Variants in PKHD1 observed in about 807,000 individuals in gnomAD.
PKHD1 encodes PKHD1 ciliary IPT domain containing fibrocystin/polyductin.
Under a neutral mutation model 412.0 loss-of-function variants are expected in PKHD1, and 291 were observed. The observed-to-expected ratio is 0.71, with a 90% CI of 0.64 to 0.78. The LOEUF (loss-of-function observed/expected upper bound fraction) is 0.78. Among genes scored for constraint, PKHD1 ranks in the 30% least tolerant of loss-of-function variants. The probability of loss-of-function intolerance (pLI) is 0.00; values close to 1 mark genes in which losing one functional copy is unlikely to be tolerated. For missense variants in PKHD1, 4,825 were observed against 4,950.7 expected, an observed-to-expected ratio of 0.97 and a Z score of 0.76; for synonymous variants, 1,777 against 1,821.5, an observed-to-expected ratio of 0.98 and a Z score of 0.62.
intron 25 of PKHD1, among the ~76,000 whole-genome samples, chr6:52,044,026 T>G (rs538231977): frequency 1.3e-5 from 2 of 152,348 alleles, no homozygotes; most frequent in South Asian, 2.1e-4. Context: ...TTAAACTGCA[T>G]AAGGACTTCT....
intron 55 of PKHD1, among the ~76,000 whole-genome samples, chr6:51,767,158 T>C (rs1789189333): frequency 6.6e-6 from 1 of 152,122 alleles, no homozygotes; most frequent in African/African-American, 2.4e-5. Context: ...TGTGTTTATT[T>C]CTTGGTATTC....
intron 35 of PKHD1, among the ~76,000 whole-genome samples, chr6:51,982,880 T>TAAAAAAAAAAAAAAAAAAAAAAAAAAAAA (rs777201105): frequency 2.2e-5 from 3 of 135,928 alleles, no homozygotes; most frequent in Admixed American, 7.5e-5. Context: ...TAAAATAAAA[T>TAAAAAAAAAAAAAAAAAAAAAAAAAAAAA]AAAATAAAAT....
chr6:51,742,168 T>G (rs937740119), intron 60 of PKHD1, among the ~76,000 whole-genome samples: 4 of 152,194 alleles, frequency 2.6e-5, no homozygotes, highest in African/African-American at 9.6e-5. Context: ...TATAAATGTG[T>G]CCCTGAATTT....
chr6:52,011,420 G>T (rs980095745), intron 34 of PKHD1, among the ~76,000 whole-genome samples: 1 of 152,210 alleles, frequency 6.6e-6, no homozygotes, highest in Non-Finnish European at 1.5e-5. Flanking sequence ...TGTAAAAAGT[G>T]TAACCCAAAG....
At chr6:51,960,854 G>A (rs1473144189) in intron 35 of PKHD1, among the ~76,000 whole-genome samples, 1 of 152,128 alleles carries the variant, frequency 6.6e-6, no homozygotes, top group East Asian at 1.9e-4. Flanking sequence ...TGGTCACTCT[G>A]ATGTCATACG....
chr6:52,071,827 T>G (rs931239965), intron 8 of PKHD1, among the ~76,000 whole-genome samples: 3 of 152,162 alleles, frequency 2.0e-5, no homozygotes, highest in African/African-American at 7.2e-5. Context: ...TTGGGTGACT[T>G]CAATGTAAAG....
At chr6:51,885,301 T>A (rs374038784) in intron 45 of PKHD1, among the ~76,000 whole-genome samples, 1 of 152,112 alleles carries the variant, frequency 6.6e-6, no homozygotes, top group Admixed American at 6.5e-5. Context: ...AAGAAAAAAA[T>A]AGAAGAAAAT....
intron 36 of PKHD1, among the ~76,000 whole-genome samples, chr6:51,940,670 T>C (rs1788355272): frequency 6.6e-6 from 1 of 151,642 alleles, no homozygotes; most frequent in Non-Finnish European, 1.5e-5. Flanking sequence ...TACTGCCCGA[T>C]TGCCTCGGAA....
Position 51,620,802 on chromosome 6 carries a change from A to ATATACATATATATATATATATG in PKHD1, c.11786-1283_11786-1282insCATATATATATATATATGTATA, listed in dbSNP as rs1561971278. ...ATTATATATACATATATATATATGT[A>ATATACATATATATATATATATG]TATATATATATATAATGCTTTTGAT... On this transcript the variant is annotated intron_variant, in intron 66 of 66. Transcript: ENST00000371117. Among the ~76,000 whole-genome samples, 187 of 141,548 alleles carry ATATACATATATATATATATATG rather than the reference A, an allele frequency of 1.3e-3. 1 individual carries two copies. Among genetic ancestry groups the ATATACATATATATATATATATG allele is most frequent in the African/African-American group, 4.7e-3 (181 of 38,594 alleles). 92.9% of individuals were successfully genotyped at this position (141,548 alleles called of 152,430 possible).
chr6:51,725,659 C>T (rs1437307173), intron 60 of PKHD1, among the ~76,000 whole-genome samples: 1 of 152,146 alleles, frequency 6.6e-6, no homozygotes, highest in African/African-American at 2.4e-5. Context: ...CAACGAGGAA[C>T]AATTGTCTAG....
intron 60 of PKHD1, among the ~76,000 whole-genome samples, chr6:51,665,815 G>A (rs768765636): frequency 2.0e-5 from 3 of 152,178 alleles, no homozygotes; most frequent in Non-Finnish European, 4.4e-5. Context: ...GACACAGTAA[G>A]CTCTCTGAGA....
At chr6:51,873,929 T>C (rs1043160061) in intron 46 of PKHD1, among the ~76,000 whole-genome samples, 1 of 151,976 alleles carries the variant, frequency 6.6e-6, no homozygotes, top group African/African-American at 2.4e-5. Flanking sequence ...TAGAAATAAA[T>C]GCAAATATAT....
Position 52,085,036 on chromosome 6 carries a change from A to G in PKHD1, c.-84-19T>C, listed in dbSNP as rs1472443753. 1.2e-6 allele frequency: 1 copy of G among 837,672 alleles called. No homozygotes were observed. Among genetic ancestry groups the G allele is most frequent in the African/African-American group, 1.7e-5 (1 of 59,590 alleles). 51.9% of individuals were successfully genotyped at this position (837,672 alleles called of 1,614,324 possible). A position where few individuals can be genotyped will look rare whatever the true frequency, so the allele number is the denominator to read the frequency against. ...TTTTGTGCTTTATAAAAACAAAAAA[A>G]GCAAAAAAAAATTATCATTTTGTTT... On this transcript the variant is annotated intron_variant, in intron 1 of 66. Transcript: ENST00000371117.
chr6:51,642,775 G>A (rs1396872428), intron 63 of PKHD1, among the ~76,000 whole-genome samples: 1 of 152,160 alleles, frequency 6.6e-6, no homozygotes, highest in East Asian at 1.9e-4. Flanking sequence ...GGGAGGCAGA[G>A]GTTGCAGTGA....
intron 60 of PKHD1, among the ~76,000 whole-genome samples, chr6:51,699,067 C>T (rs1779118053): frequency 6.6e-6 from 1 of 152,162 alleles, no homozygotes; most frequent in African/African-American, 2.4e-5. Context: ...TTATCCAAAT[C>T]TGAGAGATTT....
chr6:51,884,242 C>T (rs772079902), intron 45 of PKHD1, among the ~76,000 whole-genome samples: 15 of 152,014 alleles, frequency 9.9e-5, no homozygotes, highest in African/African-American at 7.2e-5. Flanking sequence ...TGTGTGTGAC[C>T]ATCTAGTTAT....
chr6:51,902,562 G>C lies in PKHD1; in HGVS notation c.6996+1035C>G, dbSNP rs1319114722. On this transcript the variant is annotated intron_variant, in intron 43 of 66. Transcript: ENST00000371117. ...TTTACTAGGGTTTATTCAGCTGAAG[G>C]TAATTAAAAACAGATGATCAGTGAG... is the stretch of plus-strand genomic sequence containing the variant. Among the ~76,000 whole-genome samples, 3 of 152,254 alleles carry C rather than the reference G, an allele frequency of 2.0e-5. No individual in the cohort carries two copies. The South Asian group carries it at 6.2e-4, about 32-fold the overall frequency.
chr6:51,882,714 T>C (rs2127540144), intron 46 of PKHD1, among the ~76,000 whole-genome samples: 1 of 152,314 alleles, frequency 6.6e-6, no homozygotes, highest in East Asian at 1.9e-4. Flanking sequence ...TAGAGTCTGA[T>C]TTTTATCATG....
intron 13 of PKHD1, among the ~76,000 whole-genome samples, chr6:52,064,254 C>G (rs1345887723): frequency 6.6e-6 from 1 of 152,242 alleles, no homozygotes; most frequent in Non-Finnish European, 1.5e-5. Context: ...TGGTTCTTGG[C>G]TGAGTAACAT....
Sources: allele counts gnomAD v4.1 joint callset (sites outside exome capture counted in the v4.1 genomes callset), GRCh38; gene constraint gnomAD v4.1.1; transcripts MANE v1.5; gene names NCBI Gene and HGNC (gene_info 2026-07-23, HGNC 2026-07-21).